MRPS25: variants seen among roughly 807,000 people sequenced by gnomAD.
The protein encoded by MRPS25 is mitochondrial ribosomal protein S25, also known as small ribosomal subunit protein mS25.
In MRPS25, 15 loss-of-function variants were observed where a neutral mutation model predicts 17.3. The observed-to-expected ratio is 0.87, with a 90% CI of 0.58 to 1.34. The LOEUF (loss-of-function observed/expected upper bound fraction) is 1.34. Ranked by LOEUF, MRPS25 falls within the 40% of genes most tolerant of loss-of-function variation. The pLI, the probability that MRPS25 is intolerant of heterozygous loss-of-function variation, is 0.00. For missense variants in MRPS25, 225 were observed against 218.6 expected (o/e 1.03, Z -0.19); for synonymous variants, 94 against 83.3 (o/e 1.13, Z -0.70).
chr3:15,057,370 G>A (rs779445197), intron 2 of MRPS25, among the ~76,000 whole-genome samples: 6 of 151,928 alleles, frequency 3.9e-5, no homozygotes, highest in East Asian at 1.9e-4. Context: ...TAACTCTCTC[G>A]GCATCTTACA....
intron 1 of MRPS25, among the ~76,000 whole-genome samples, chr3:15,061,974 G>A (rs1487161176): frequency 1.4e-5 from 2 of 147,902 alleles, no homozygotes; most frequent in African/African-American, 2.5e-5. Context: ...GAGCCCCTCC[G>A]CCCGGCAGCC....
At chr3:15,053,530 G>C in intron 2 of MRPS25, 63 bp from the exon 3 acceptor site, 2 of 1,600,820 alleles carry the variant, frequency 1.2e-6, no homozygotes, top group Non-Finnish European at 1.7e-6. Flanking sequence ...GCCTCAAAAA[G>C]TTGTAATTTG....
downstream of MRPS25, chr3:15,042,697 A>T: frequency 1.4e-6 from 1 of 705,448 alleles, no homozygotes; most frequent in Non-Finnish European, 2.4e-6. Context: ...TGTTGAAATC[A>T]GAAAAGAGAG....
At chr3:15,057,264 G>A (rs902252347) in intron 2 of MRPS25, among the ~76,000 whole-genome samples, 8 of 152,180 alleles carry the variant, frequency 5.3e-5, no homozygotes, top group African/African-American at 1.7e-4. Flanking sequence ...CCAGAGCTGC[G>A]TCGTCCTCAC....
intron 1 of MRPS25, among the ~76,000 whole-genome samples, chr3:15,064,243 A>G (rs976307133): frequency 2.0e-5 from 3 of 152,112 alleles, no homozygotes; most frequent in Non-Finnish European, 2.9e-5. Context: ...TGTACTCAAT[A>G]AATGTAGACT....
rs551380520 is a variant in MRPS25, at chr3:15,051,337, C to T, written c.*1104G>A. On this transcript the variant is annotated 3_prime_UTR_variant, in exon 4 of 4. Transcript: ENST00000253686. The stretch of plus-strand genomic sequence containing the variant: ...TAGCTGGGACTACAGACGCGAAACA[C>T]CACACCCATCTAATTTTTGTACTTT... The T allele has an allele frequency of 1.7e-5, 9 of 515,426 alleles. No homozygotes were observed. The African/African-American group carries it at 1.9e-4, about 11-fold the overall frequency. 31.9% of individuals were successfully genotyped at this position (515,426 alleles called of 1,614,324 possible). A position where few individuals can be genotyped will look rare whatever the true frequency, so the allele number is the denominator to read the frequency against.
intron 1 of MRPS25, among the ~76,000 whole-genome samples, chr3:15,061,867 C>T (rs1175476806): frequency 6.6e-6 from 1 of 151,780 alleles, no homozygotes; most frequent in East Asian, 2.0e-4. Context: ...GCCCAGCCAC[C>T]CCGTCTGAGA....
In MRPS25 at chr3:15,050,742, A is replaced by G. The variant is rs2042591142; in HGVS notation, c.*1699T>C. The G allele has an allele frequency of 1.8e-5, 18 of 985,432 alleles. No homozygotes were observed. Among genetic ancestry groups the G allele is most frequent in the Non-Finnish European group, 2.2e-5 (18 of 829,920 alleles). 61.0% of individuals were successfully genotyped at this position (985,432 alleles called of 1,614,324 possible). A position where few individuals can be genotyped will look rare whatever the true frequency, so the allele number is the denominator to read the frequency against. ...TCTGTCACTCAAGGAACACCTGTCC[A>G]TTATACATCAGTCTCTGCCCACCTT... is the stretch of plus-strand genomic sequence containing the variant. On this transcript the variant is annotated 3_prime_UTR_variant, in exon 4 of 4. Coordinates refer to ENST00000253686, the MANE Select transcript of MRPS25 (RefSeq NM_022497.5).
At chr3:15,043,552 G>A (rs2042346829), downstream of MRPS25, 1 of 152,680 alleles carries the variant, frequency 6.5e-6, no homozygotes, top group Admixed American at 6.5e-5. Flanking sequence ...GGGTACAGGA[G>A]ACAATCATTT....
Position 15,051,955 on chromosome 3 carries a change from GA to G in MRPS25, c.*485del, listed in dbSNP as rs1559326383. On this transcript the variant is annotated 3_prime_UTR_variant, in exon 4 of 4. Transcript: ENST00000253686. ...CACGAAGGGTTGCCTTTGGATTTCTGAAAAATACCCCCAAGGAACTGAACGG... is the reference window on the plus strand; with the variant it reads ...CACGAAGGGTTGCCTTTGGATTTCTGAAAATACCCCCAAGGAACTGAACGG... 1 of 986,196 alleles carries G rather than the reference GA, an allele frequency of 1.0e-6. No individual in the cohort carries two copies. 61.1% of individuals were successfully genotyped at this position (986,196 alleles called of 1,614,324 possible). A position where few individuals can be genotyped will look rare whatever the true frequency, so the allele number is the denominator to read the frequency against.
At position 15,050,361 on chromosome 3, in the gene MRPS25, T is replaced by C; in HGVS notation, c.*2080A>G. The stretch of plus-strand genomic sequence containing the variant: ...GTCCCATTAGGGACCAGACATTTAT[T>C]CTGTCTAGAGAATGGTCACCACTCC... On this transcript the variant is annotated 3_prime_UTR_variant, in exon 4 of 4. Coordinates refer to ENST00000253686, the MANE Select transcript of MRPS25 (RefSeq NM_022497.5). The C allele has an allele frequency of 9.5e-7, 1 of 1,053,200 alleles. No individual in the cohort carries two copies. The highest frequency in any genetic ancestry group is 1.1e-6 in the Non-Finnish European group (1 of 874,932). The allele number at this position is 1,053,200 out of a possible 1,614,324, so 65.2% of individuals were successfully genotyped here. A position where few individuals can be genotyped will look rare whatever the true frequency, so the allele number is the denominator to read the frequency against.
At position 15,050,060 on chromosome 3, in the gene MRPS25, C is replaced by T. The variant is rs2042580621; in HGVS notation, c.*2381G>A. 2.1e-6 allele frequency: 3 copies of T among 1,445,726 alleles called. No individual in the cohort carries two copies. The highest frequency in any genetic ancestry group is 1.8e-4 in the Middle Eastern group (1 of 5,690). The allele number at this position is 1,445,726 out of a possible 1,614,324, so 89.6% of individuals were successfully genotyped here. A position where few individuals can be genotyped will look rare whatever the true frequency, so the allele number is the denominator to read the frequency against. On this transcript the variant is annotated 3_prime_UTR_variant, in exon 4 of 4. Transcript: ENST00000253686. ...TTCTCTAATTAATTTTCTCCCATTT[C>T]TGTATATTTTAAACCCATCTTTCAT...
At position 15,049,061 on chromosome 3, in the gene MRPS25, A is replaced by G. The variant is rs1176563183; in HGVS notation, c.*3380T>C. 2.6e-5 allele frequency: 4 copies of G among 152,678 alleles called. No individual in the cohort carries two copies. The highest frequency in any genetic ancestry group is 2.1e-4 in the South Asian group (1 of 4,832). The allele number at this position is 152,678 out of a possible 1,614,324, so 9.5% of individuals were successfully genotyped here. A position where few individuals can be genotyped will look rare whatever the true frequency, so the allele number is the denominator to read the frequency against. On this transcript the variant is annotated 3_prime_UTR_variant, in exon 4 of 4. Transcript: ENST00000253686. ...TTGTTTATGTGATGGCATTTAAAAA[A>G]TAGCATGTTCTTTTTAAACTGAATT...
At chr3:15,064,495 C>T (rs759893267) in intron 1 of MRPS25, among the ~76,000 whole-genome samples, 7 of 152,202 alleles carry the variant, frequency 4.6e-5, no homozygotes, top group Non-Finnish European at 8.8e-5. Context: ...TCACCGCTCA[C>T]CGGCTGGCAT....
rs1396791878 is a variant in MRPS25, at chr3:15,049,160, C to T, written c.*3281G>A. ...TGTTTGTATATAGAGTATTGCAGTG[C>T]ATGAATTAGCTTTATGCATTTTATT... is the stretch of plus-strand genomic sequence containing the variant. On this transcript the variant is annotated 3_prime_UTR_variant, in exon 4 of 4. Transcript: ENST00000253686. 1 of 152,630 alleles carries T rather than the reference C, an allele frequency of 6.6e-6. No homozygotes were observed. The highest frequency in any genetic ancestry group is 1.5e-5 in the Non-Finnish European group (1 of 68,046). The allele number at this position is 152,630 out of a possible 1,614,324, so 9.5% of individuals were successfully genotyped here.
intron 2 of MRPS25, among the ~76,000 whole-genome samples, chr3:15,058,001 C>T (rs1026539379): frequency 2.0e-5 from 3 of 151,974 alleles, no homozygotes; most frequent in South Asian, 2.1e-4. Flanking sequence ...CCTGCCTCAG[C>T]CCCCCAAGTA....
At chr3:15,061,549 A>G (rs71308120) in intron 1 of MRPS25, among the ~76,000 whole-genome samples, 39,285 of 152,058 alleles carry the variant, frequency 0.26, 5,338 homozygotes, top group Middle Eastern at 0.34. Flanking sequence ...GTGCAGTGGC[A>G]TGATCTCGGC....
chr3:15,053,697 A>G, intron 2 of MRPS25: 8 of 560,398 alleles, frequency 1.4e-5, no homozygotes, highest in Non-Finnish European at 2.5e-5. Flanking sequence ...ATAGAAAGAC[A>G]TTCCATGTTC....
In MRPS25 at chr3:15,050,057, T is replaced by A; in HGVS notation, c.*2384A>T. On this transcript the variant is annotated 3_prime_UTR_variant, in exon 4 of 4. Transcript: ENST00000253686. ...ATTTTCTCTAATTAATTTTCTCCCA[T>A]TTCTGTATATTTTAAACCCATCTTT... 1 of 1,447,066 alleles carries A rather than the reference T, an allele frequency of 6.9e-7. No homozygotes were observed. Among genetic ancestry groups the A allele is most frequent in the South Asian group, 1.5e-5 (1 of 67,096 alleles). The allele number at this position is 1,447,066 out of a possible 1,614,324, so 89.6% of individuals were successfully genotyped here.
Sources: allele counts gnomAD v4.1 joint callset (sites outside exome capture counted in the v4.1 genomes callset), GRCh38; gene constraint gnomAD v4.1.1; transcripts MANE v1.5; gene names NCBI Gene and HGNC (gene_info 2026-07-23, HGNC 2026-07-21).